The following ZNF423 variants were observed in gnomAD, a reference collection of about 807,000 sequenced individuals.
ZNF423 encodes the protein zinc finger protein 423.
ZNF423 carries 12 observed loss-of-function variants against 95.8 expected under a neutral mutation model. The observed-to-expected ratio is 0.13, with a 90% confidence interval of 0.08 to 0.20. The LOEUF (loss-of-function observed/expected upper bound fraction) is 0.20, where lower values mean the gene tolerates loss of function less well. Ranked by LOEUF, ZNF423 falls within the 10% of genes least tolerant of loss-of-function variation. The probability of loss-of-function intolerance (pLI) is 1.00; values close to 1 mark genes in which losing one functional copy is unlikely to be tolerated. For synonymous variants in ZNF423, 749 were observed against 711.9 expected (o/e 1.05, Z -0.83); for missense variants, 1,316 against 1,737.1 (o/e 0.76, Z 4.31).
intron 3 of ZNF423, among the ~76,000 whole-genome samples, chr16:49,728,810 G>A (rs548741582): frequency 1.4e-4 from 21 of 152,170 alleles, no homozygotes; most frequent in South Asian, 4.1e-4. Flanking sequence ...TTGGCTCACC[G>A]CAACCTCCAT....
At chr16:49,681,233 A>G (rs2031341886) in intron 3 of ZNF423, among the ~76,000 whole-genome samples, 1 of 152,222 alleles carries the variant, frequency 6.6e-6, no homozygotes, top group Non-Finnish European at 1.5e-5. Context: ...ACTGAACACC[A>G]AGGTATCTTT....
upstream of ZNF423, among the ~76,000 whole-genome samples, chr16:49,858,900 A>C (rs968856235): frequency 3.3e-5 from 5 of 152,080 alleles, no homozygotes; most frequent in Non-Finnish European, 7.4e-5. This position sits in a 1 kb window ranked among gnomAD's most constrained non-coding sequence, Gnocchi z 4.3. Context: ...AGAGTGGCTG[A>C]CAGGCGGCAG....
At chr16:49,815,745 C>A (rs1455133830) in intron 1 of ZNF423, among the ~76,000 whole-genome samples, 1 of 151,272 alleles carries the variant, frequency 6.6e-6, no homozygotes. Flanking sequence ...TATAAGCAGG[C>A]AGCACCAGCC....
chr16:49,503,180 C>T (rs181153482), intron 7 of ZNF423, among the ~76,000 whole-genome samples: 5 of 152,224 alleles, frequency 3.3e-5, no homozygotes, highest in Non-Finnish European at 7.4e-5. Context: ...TAATCTGCCC[C>T]ACGTTCACCC....
chr16:49,590,401 T>G (rs1249071439), intron 5 of ZNF423, among the ~76,000 whole-genome samples: 4 of 152,038 alleles, frequency 2.6e-5, no homozygotes, highest in Non-Finnish European at 5.9e-5. Flanking sequence ...TTTCAAGACA[T>G]GCAGGCATCA....
rs142141586 is a variant in ZNF423 at position 49,552,876 on chromosome 16, G to A, written c.3602-27382C>T. On this transcript the variant is annotated intron_variant, in intron 5 of 7. Transcript: ENST00000563137. ...TCCCCAAGGGCCCCCACCCCTCCAG[G>A]AGGGGATGGGGATGCAGAAGAGACC... 7.2e-3 allele frequency among the ~76,000 whole-genome samples: 1,091 copies of A among 152,004 alleles called. 8 individuals carry two copies. The highest frequency in any genetic ancestry group is 0.012 in the Non-Finnish European group (790 of 67,976).
In ZNF423 at chr16:49,739,691, G is replaced by T. The variant is rs974917604; in HGVS notation, c.101-8720C>A. Among the ~76,000 whole-genome samples the T allele has an allele frequency of 1.1e-4, 11 of 98,508 alleles. No individual in the cohort carries two copies. The South Asian group carries it at 2.7e-3, about 24-fold the overall frequency. 64.6% of individuals were successfully genotyped at this position (98,508 alleles called of 152,430 possible). On this transcript the variant is annotated intron_variant, in intron 2 of 7. Coordinates refer to ENST00000563137, the MANE Select transcript of ZNF423 (RefSeq NM_001379286.1). ...GCAACACGTTTGTTTTTTTGTTTTT[G>T]TTTGGTTTTTTTTTTTTTTTTTTTG...
rs747781524 is a variant in ZNF423 at position 49,636,332 on chromosome 16, G to A, written c.2844C>T (p.Phe948=). 6.2e-7 allele frequency: 1 copy of A among 1,612,806 alleles called. No individual in the cohort carries two copies. The highest frequency in any genetic ancestry group is 2.2e-5 in the East Asian group (1 of 44,870). ...GGTGCTCCCGTAGCCCGTTCTCCGA[G>A]AAGAAAGTCCGTGAACAAACGTTGC... The part of the protein sequence containing the change: ...HKCNVCSRTF[F]SENGLREHLQ... The change falls in exon 4 of 8, where the codon TTC becomes TTT. Residue 948 remains phenylalanine (F), a synonymous_variant. Transcript: ENST00000563137. This position sits in a 1 kb window ranked among gnomAD's most constrained non-coding sequence, Gnocchi z 8.6.
At position 49,521,862 on chromosome 16, in the gene ZNF423, G is replaced by A. The variant is rs991709742; in HGVS notation, c.3849+1762C>T. On this transcript the variant is annotated intron_variant, in intron 7 of 7. Coordinates refer to ENST00000563137, the MANE Select transcript of ZNF423 (RefSeq NM_001379286.1). ...TGACCATCTAATGGTGAATCCCCCC[G>A]GTCCCCACACCCTCCAAGGGCCTGT... 2.6e-5 allele frequency among the ~76,000 whole-genome samples: 4 copies of A among 152,158 alleles called. No individual in the cohort carries two copies. The East Asian group carries it at 5.8e-4, about 22-fold the overall frequency.
rs141959952 is a variant in ZNF423, at chr16:49,757,788, G to A, written c.101-26817C>T. On this transcript the variant is annotated intron_variant, in intron 2 of 7. Transcript: ENST00000563137. Reference sequence around the variant, plus strand: ...AACAGCAAACTCAGGTTTCCCTGCCGTGGCAGGTGGGAGATTAATTTCCCC... The same window carrying A: ...AACAGCAAACTCAGGTTTCCCTGCCATGGCAGGTGGGAGATTAATTTCCCC... Among the ~76,000 whole-genome samples the A allele has an allele frequency of 8.3e-3, 1,267 of 152,268 alleles. 13 individuals are homozygous for A. The highest frequency in any genetic ancestry group is 0.028 in the African/African-American group (1,159 of 41,546).
intron 5 of ZNF423, among the ~76,000 whole-genome samples, chr16:49,572,356 G>C (rs1004922680): frequency 6.6e-6 from 1 of 152,170 alleles, no homozygotes; most frequent in African/African-American, 2.4e-5. Flanking sequence ...GATTTTAACT[G>C]GGGGGAGTGA....
chr16:49,646,343 G>A (rs1316248631), intron 3 of ZNF423, among the ~76,000 whole-genome samples: 1 of 152,092 alleles, frequency 6.6e-6, no homozygotes, highest in Non-Finnish European at 1.5e-5. Context: ...TCACTTCTTG[G>A]GAAACCAGGG....
chr16:49,631,418 A>C (rs1596747824), intron 4 of ZNF423, among the ~76,000 whole-genome samples: 1 of 147,536 alleles, frequency 6.8e-6, no homozygotes, highest in Non-Finnish European at 1.5e-5. Context: ...CCCACTCTCA[A>C]CCCCCCTGGA....
At chr16:49,743,807 T>A (rs1255486055) in intron 2 of ZNF423, among the ~76,000 whole-genome samples, 1 of 151,870 alleles carries the variant, frequency 6.6e-6, no homozygotes, top group Admixed American at 6.6e-5. Context: ...GTGCAGAGGC[T>A]CCACAAAAAG....
At chr16:49,770,446 G>T (rs563759294) in intron 2 of ZNF423, among the ~76,000 whole-genome samples, 1 of 152,332 alleles carries the variant, frequency 6.6e-6, no homozygotes, top group Non-Finnish European at 1.5e-5. Context: ...GGGGAGTAGG[G>T]GAGGGAGAGA....
At chr16:49,707,716 G>A (rs889889020) in intron 3 of ZNF423, among the ~76,000 whole-genome samples, 4 of 151,012 alleles carry the variant, frequency 2.6e-5, no homozygotes, top group Non-Finnish European at 5.9e-5. Flanking sequence ...TAAAATTTAC[G>A]TATTATTTAC....
intron 4 of ZNF423, among the ~76,000 whole-genome samples, chr16:49,633,437 T>C (rs1972569651): frequency 6.6e-6 from 1 of 152,062 alleles, no homozygotes; most frequent in Non-Finnish European, 1.5e-5. Flanking sequence ...CAGATAATGG[T>C]TAAAAAACCA....
chr16:49,519,696 T>C (rs558016782), intron 7 of ZNF423, among the ~76,000 whole-genome samples: 6 of 152,370 alleles, frequency 3.9e-5, no homozygotes, highest in Non-Finnish European at 7.3e-5. Flanking sequence ...CTCTTAACCA[T>C]GTCTTTCAAA....
At chr16:49,617,390 G>A (rs1442830375) in intron 5 of ZNF423, among the ~76,000 whole-genome samples, 1 of 152,208 alleles carries the variant, frequency 6.6e-6, no homozygotes, top group Non-Finnish European at 1.5e-5. Context: ...GAGGGAAATT[G>A]CCCATGCATC....
Sources: allele counts gnomAD v4.1 joint callset (sites outside exome capture counted in the v4.1 genomes callset), GRCh38; gene constraint gnomAD v4.1.1; non-coding constraint Gnocchi (gnomAD v3.1); transcripts MANE v1.5; gene names NCBI Gene and HGNC (gene_info 2026-07-23, HGNC 2026-07-21).